The following MALRD1 variants were observed in gnomAD, a reference collection of about 807,000 sequenced individuals.
MALRD1 encodes MAM and LDL-receptor class A domain-containing protein 1.
MALRD1 carries 247 observed loss-of-function variants against 242.1 expected under a neutral mutation model. The ratio of observed to expected loss-of-function variants is 1.02; its 90% CI spans 0.92 to 1.13. The LOEUF is 1.13. Ranked by LOEUF, MALRD1 falls within the 50% of genes most tolerant of loss-of-function variation. The probability of loss-of-function intolerance (pLI) is 0.00; values close to 1 mark genes in which losing one functional copy is unlikely to be tolerated. For missense variants in MALRD1, 2,989 were observed against 2,533.1 expected (o/e 1.18, Z -3.86); for synonymous variants, 995 against 866.6 (o/e 1.15, Z -2.60).
chr10:19,362,452 A>G, intron 26 of MALRD1, among the ~76,000 whole-genome samples: 1 of 152,148 alleles, frequency 6.6e-6, no homozygotes. Context: ...AAGTAATTTC[A>G]TGGGAGGTTA....
chr10:19,593,297 A>T (rs117683894), intron 33 of MALRD1, among the ~76,000 whole-genome samples: 5,752 of 152,232 alleles, frequency 0.038, 190 homozygotes, highest in Middle Eastern at 0.085. Context: ...CTACAAACAT[A>T]GGCTCCCTAA....
intron 21 of MALRD1, among the ~76,000 whole-genome samples, chr10:19,305,584 T>A (rs1025550441): frequency 1.3e-5 from 2 of 151,120 alleles, no homozygotes; most frequent in African/African-American, 4.8e-5. Flanking sequence ...ATTGGGCAGC[T>A]TGACTGATGA....
chr10:19,461,303 G>A (rs538956108), intron 29 of MALRD1, among the ~76,000 whole-genome samples: 1 of 152,270 alleles, frequency 6.6e-6, no homozygotes, highest in African/African-American at 2.4e-5. Flanking sequence ...GTTTAAAATC[G>A]TTGATTAAAA....
chr10:19,478,544 G>C (rs1238500730), intron 29 of MALRD1, among the ~76,000 whole-genome samples: 1 of 152,010 alleles, frequency 6.6e-6, no homozygotes, highest in Non-Finnish European at 1.5e-5. Flanking sequence ...TTAAAGAAGG[G>C]TCCCTTTTTA....
chr10:19,706,583 C>T (rs1365986131), intron 38 of MALRD1, among the ~76,000 whole-genome samples: 1 of 152,096 alleles, frequency 6.6e-6, no homozygotes, highest in Admixed American at 6.5e-5. Context: ...AACTCCTGAC[C>T]TCAGGTGATC....
At chr10:19,491,415 A>G in intron 29 of MALRD1, 102 bp from the exon 30 acceptor site, 1 of 1,368,194 alleles carries the variant, frequency 7.3e-7, no homozygotes, top group Admixed American at 2.1e-5. Context: ...GAAATCCTTA[A>G]CTTGCTTACT....
intron 21 of MALRD1, chr10:19,291,292 G>A (rs953301842): frequency 6.6e-6 from 1 of 152,102 alleles, no homozygotes; most frequent in African/African-American, 2.4e-5. Flanking sequence ...ACCCTTGGGG[G>A]AAATTCTCAA....
At chr10:19,234,390 A>G (rs184195712) in intron 18 of MALRD1, among the ~76,000 whole-genome samples, 7,529 of 150,428 alleles carry the variant, frequency 0.05, 227 homozygotes, top group Middle Eastern at 0.077. Flanking sequence ...ATTTAAGATC[A>G]CAGTTTATGT....
chr10:19,407,372 C>T (rs192243176), intron 28 of MALRD1, among the ~76,000 whole-genome samples: 1 of 152,250 alleles, frequency 6.6e-6, no homozygotes, highest in African/African-American at 2.4e-5. Flanking sequence ...GTCCCAACAA[C>T]TCAGGACGCT....
intron 19 of MALRD1, among the ~76,000 whole-genome samples, chr10:19,275,312 A>G (rs942600273): frequency 6.6e-6 from 1 of 152,226 alleles, no homozygotes; most frequent in Non-Finnish European, 1.5e-5. Context: ...AAAGTTATTG[A>G]CACTCAATTC....
At chr10:19,190,099 A>T (rs1382906655) in intron 14 of MALRD1, among the ~76,000 whole-genome samples, 1 of 152,132 alleles carries the variant, frequency 6.6e-6, no homozygotes, top group Non-Finnish European at 1.5e-5. Flanking sequence ...TTAGAACTAA[A>T]ACATGAATTC....
In MALRD1 at chr10:19,238,461, A is replaced by ACAT. The variant is rs1329087591; in HGVS notation, c.2992-19223_2992-19222insCAT. On this transcript the variant is annotated intron_variant, in intron 18 of 39. Coordinates refer to ENST00000454679, the MANE Select transcript of MALRD1 (RefSeq NM_001142308.3). ...ATATAATATACATTATATATAATAT[A>ACAT]TAATATAATATATAATATACATTAT... Among the ~76,000 whole-genome samples, 5 of 39,950 alleles carry ACAT rather than the reference A, an allele frequency of 1.3e-4. No homozygotes were observed. The South Asian group carries it at 2.0e-3, about 16-fold the overall frequency. The allele number at this position is 39,950 out of a possible 152,430, so 26.2% of individuals were successfully genotyped here. A position where few individuals can be genotyped will look rare whatever the true frequency, so the allele number is the denominator to read the frequency against.
chr10:19,393,210 T>TAA (rs1846411606), intron 28 of MALRD1, among the ~76,000 whole-genome samples: 1 of 152,160 alleles, frequency 6.6e-6, no homozygotes, highest in Middle Eastern at 3.2e-3. Context: ...AATGGCATCC[T>TAA]TATTTTTGCT....
intron 14 of MALRD1, among the ~76,000 whole-genome samples, chr10:19,202,273 C>G (rs1836572721): frequency 6.6e-6 from 1 of 152,122 alleles, no homozygotes; most frequent in Non-Finnish European, 1.5e-5. Context: ...TACATTCCCT[C>G]TGATTCTGAT....
At chr10:19,733,465 A>T (rs2131948741) in intron 39 of MALRD1, among the ~76,000 whole-genome samples, 1 of 152,266 alleles carries the variant, frequency 6.6e-6, no homozygotes, top group East Asian at 1.9e-4. Flanking sequence ...AGGCCATCAA[A>T]CATTCAGTAT....
chr10:19,554,783 A>G (rs1163827464), intron 32 of MALRD1, among the ~76,000 whole-genome samples: 1 of 152,020 alleles, frequency 6.6e-6, no homozygotes, highest in Non-Finnish European at 1.5e-5. Context: ...TTTTTGTACC[A>G]CATTTTCTTT....
At chr10:19,566,354 T>A (rs1836255253) in intron 32 of MALRD1, among the ~76,000 whole-genome samples, 1 of 144,174 alleles carries the variant, frequency 6.9e-6, no homozygotes, top group South Asian at 2.2e-4. Context: ...TTAGCCAGGA[T>A]GGTCTCAATC....
Position 19,159,016 on chromosome 10 carries a change from G to A in MALRD1, c.1656+3844G>A, listed in dbSNP as rs184613571. Among the ~76,000 whole-genome samples, 296 of 152,316 alleles carry A rather than the reference G, an allele frequency of 1.9e-3. 1 individual carries two copies. Among genetic ancestry groups the A allele is most frequent in the African/African-American group, 6.9e-3 (287 of 41,568 alleles). On this transcript the variant is annotated intron_variant, in intron 12 of 39. Transcript: ENST00000454679. ...GAATAGCTGATGGATTCTAGAGGAA[G>A]CAACAGTCTACAGAGGAAAGGGCGA... is the stretch of plus-strand genomic sequence containing the variant.
At chr10:19,615,675 G>T (rs1839121409) in intron 35 of MALRD1, among the ~76,000 whole-genome samples, 182 bp from the exon 36 acceptor site, 1 of 151,960 alleles carries the variant, frequency 6.6e-6, no homozygotes, top group Non-Finnish European at 1.5e-5. Flanking sequence ...GGCAGCAGGG[G>T]CCAGAGAACA....
Sources: gnomAD v4.1 joint callset for allele counts (sites outside exome capture counted in the v4.1 genomes callset) on GRCh38, gnomAD v4.1.1 for gene constraint, MANE v1.5 for transcripts, NCBI Gene and HGNC (gene_info 2026-07-23, HGNC 2026-07-21) for gene names.